Variants in FRYL observed in about 807,000 individuals in gnomAD.
The protein encoded by FRYL is FRY like transcription coactivator, also known as protein furry homolog-like.
FRYL carries 150 observed loss-of-function variants against 351.2 expected under a neutral mutation model. The ratio of observed to expected loss-of-function variants is 0.43; its 90% CI spans 0.37 to 0.49. The LOEUF (loss-of-function observed/expected upper bound fraction) is 0.49. FRYL is among the 20% of genes least tolerant of loss of function. The pLI is 0.00. For synonymous variants in FRYL, 1,153 were observed against 1,257.1 expected, an observed-to-expected ratio of 0.92 and a Z score of 1.75; for missense variants, 3,036 against 3,619.3, an observed-to-expected ratio of 0.84 and a Z score of 4.13.
chr4:48,553,111 C>T (rs373107808), intron 36 of FRYL, 104 bp downstream of exon 36: 31 of 754,232 alleles, frequency 4.1e-5, no homozygotes, highest in East Asian at 2.9e-4. Flanking sequence ...ATCTGAGATT[C>T]ATAACATGTT....
chr4:48,598,861 T>C (rs1246343067), intron 13 of FRYL: 1 of 984,802 alleles, frequency 1.0e-6, no homozygotes, highest in Non-Finnish European at 1.2e-6. Context: ...CTGATACTGT[T>C]GTTAGATGGC....
chr4:48,698,822 T>G, intron 2 of FRYL, among the ~76,000 whole-genome samples: 1 of 138,724 alleles, frequency 7.2e-6, no homozygotes, highest in East Asian at 2.3e-4. Context: ...CCCCCACAAA[T>G]AGGCTTTATT....
intron 23 of FRYL, 75 bp downstream of exon 23, chr4:48,578,886 CTGTAATACTTTT>C (rs1740256694): frequency 8.5e-7 from 1 of 1,169,906 alleles, no homozygotes; most frequent in South Asian, 1.5e-5. Context: ...GCCTTCCAAT[CTGTAATACTTTT>C]GAATTTTTCA....
chr4:48,700,697 G>A (rs1766630527), intron 2 of FRYL, among the ~76,000 whole-genome samples: 1 of 151,926 alleles, frequency 6.6e-6, no homozygotes, highest in African/African-American at 2.4e-5. Flanking sequence ...AGCTACTTGG[G>A]AGGCTGAGGT....
chr4:48,778,830 T>A (rs1375686531), intron 1 of FRYL, among the ~76,000 whole-genome samples: 1 of 152,102 alleles, frequency 6.6e-6, no homozygotes, highest in Non-Finnish European at 1.5e-5. Context: ...AAAACCCTTT[T>A]TCCCCCCCAA....
At position 48,542,087 on chromosome 4, in the gene FRYL, G is replaced by A. The variant is rs1386827840; in HGVS notation, c.5627C>T (p.Ser1876Phe). The change falls in exon 45 of 64, where the codon TCT (serine) becomes TTT (phenylalanine). Residue 1876 changes from serine to phenylalanine, a missense_variant. Physicochemically the swap from Ser to Phe is radical, Grantham distance 155 (BLOSUM62 -2). This residue lies in a region of FRYL where 1,987 missense variants were observed against 2,311.7 expected (regional missense o/e 0.86). Transcript: ENST00000358350. ...GGTTTCAGCCAAAGTATCAATTGCA[G>A]ATTCCAATGTGAGAAGAAGCTCAAT... ...FVIELLLTLE[S>F]AIDTLAETMK... The A allele has an allele frequency of 1.2e-6, 2 of 1,613,746 alleles. No homozygotes were observed. Among genetic ancestry groups the A allele is most frequent in the Non-Finnish European group, 1.7e-6 (2 of 1,179,704 alleles).
At chr4:48,718,748 T>C (rs990720039) in intron 1 of FRYL, among the ~76,000 whole-genome samples, 3 of 151,570 alleles carry the variant, frequency 2.0e-5, no homozygotes, top group South Asian at 2.1e-4. Context: ...ATAGGCTCTA[T>C]GTGTGAAGCA....
chr4:48,605,492 C>T (rs1344974802), intron 11 of FRYL, among the ~76,000 whole-genome samples: 1 of 152,058 alleles, frequency 6.6e-6, no homozygotes, highest in Non-Finnish European at 1.5e-5. Flanking sequence ...CCATTTCTAG[C>T]CAAGATGGAG....
chr4:48,688,622 T>A (rs1307507672), intron 2 of FRYL, among the ~76,000 whole-genome samples: 2 of 151,900 alleles, frequency 1.3e-5, no homozygotes, highest in Non-Finnish European at 2.9e-5. Flanking sequence ...TTAAATTTTT[T>A]TAAAAATGAA....
At position 48,586,635 on chromosome 4, in the gene FRYL, A is replaced by G; in HGVS notation, c.1734T>C (p.Ile578=). 1 of 1,609,054 alleles carries G rather than the reference A, an allele frequency of 6.2e-7. No individual in the cohort carries two copies. Among genetic ancestry groups the G allele is most frequent in the Non-Finnish European group, 8.5e-7 (1 of 1,175,762 alleles). ...IPDGMSRTDL[I]ELLARLTIHM... ...TTCTCATTTACCTTGCTAACAATTC[A>G]ATCAGGTCAGTTCTGCTCATACCGT... The change falls in exon 19 of 64, where the codon ATT becomes ATC. Residue 578 remains isoleucine (I), a synonymous_variant. Coordinates refer to ENST00000358350, the MANE Select transcript of FRYL (RefSeq NM_015030.2).
chr4:48,572,179 T>G (rs906409734), intron 26 of FRYL, among the ~76,000 whole-genome samples: 2 of 152,158 alleles, frequency 1.3e-5, no homozygotes, highest in Non-Finnish European at 2.9e-5. Flanking sequence ...TCCCAAACAA[T>G]GTTCTACAGC....
rs569085357 is a variant in FRYL at position 48,695,875 on chromosome 4, T to C, written c.-203-11080A>G. On this transcript the variant is annotated intron_variant, in intron 2 of 63. Transcript: ENST00000358350. Reference sequence around the variant, plus strand: ...TCAAAAAGTGGGCAAAGGATATAAATAGACACTTCACAAAGGAAGACATTT... The same window carrying C: ...TCAAAAAGTGGGCAAAGGATATAAACAGACACTTCACAAAGGAAGACATTT... Among the ~76,000 whole-genome samples, 3 of 152,212 alleles carry C rather than the reference T, an allele frequency of 2.0e-5. No homozygotes were observed. In the South Asian group the frequency reaches 6.2e-4, roughly 32 times the overall value.
intron 47 of FRYL, 58 bp downstream of exon 47, chr4:48,539,913 A>T: frequency 7.9e-7 from 1 of 1,265,540 alleles, no homozygotes; most frequent in Non-Finnish European, 1.1e-6. Flanking sequence ...CCCTCCTTTA[A>T]CATAGACTAC....
At chr4:48,760,790 C>A (rs1039062543) in intron 1 of FRYL, among the ~76,000 whole-genome samples, 1 of 152,142 alleles carries the variant, frequency 6.6e-6, no homozygotes, top group Admixed American at 6.6e-5. Context: ...GATTCTTATG[C>A]CTCAGCCTCT....
chr4:48,708,936 T>TTTTTTG (rs1193492060), intron 2 of FRYL, among the ~76,000 whole-genome samples: 19 of 13,306 alleles, frequency 1.4e-3, no homozygotes, highest in South Asian at 6.3e-3. Context: ...TTTGTTTTTT[T>TTTTTTG]TTTTGAGATG....
chr4:48,523,865 G>A (rs1003883374), intron 53 of FRYL, among the ~76,000 whole-genome samples: 2 of 152,188 alleles, frequency 1.3e-5, no homozygotes, highest in African/African-American at 4.8e-5. Context: ...TGGTAGGATA[G>A]CTCTGGCTAA....
chr4:48,724,018 C>T (rs1486068172), intron 1 of FRYL, among the ~76,000 whole-genome samples: 3 of 151,168 alleles, frequency 2.0e-5, no homozygotes, highest in Admixed American at 6.6e-5. Flanking sequence ...ATCCCAGCTA[C>T]TTGGGAGGTT....
intron 2 of FRYL, among the ~76,000 whole-genome samples, chr4:48,685,797 A>G (rs998426294): frequency 1.3e-5 from 2 of 151,178 alleles, no homozygotes; most frequent in African/African-American, 4.9e-5. Flanking sequence ...CTTGTTGCCC[A>G]GGCTAGAGTG....
Position 48,546,089 on chromosome 4 carries a change from G to A in FRYL, c.5257C>T (p.Leu1753Phe), listed in dbSNP as rs757132314. The change falls in exon 42 of 64, where the codon CTC becomes TTC. Residue 1753 changes from leucine to phenylalanine, a missense_variant. By Grantham distance (22) the Leu-to-Phe change is conservative. Transcript: ENST00000358350. Reference protein sequence around the residue: ...SVEQDGKVKTLMEFITSRKRG... With the variant: ...SVEQDGKVKTFMEFITSRKRG... ...TACCTTGAGGTAATGAATTCCATGA[G>A]GGTTTTGACTTTTCCATCCTGCTCC... 1.2e-6 allele frequency: 2 copies of A among 1,613,390 alleles called. No homozygotes were observed. Among genetic ancestry groups the A allele is most frequent in the South Asian group, 2.2e-5 (2 of 90,934 alleles).
Sources: gnomAD v4.1 joint callset for allele counts (sites outside exome capture counted in the v4.1 genomes callset) on GRCh38, gnomAD v4.1.1 for gene constraint, gnomAD v4.1.1 regional missense constraint, MANE v1.5 for transcripts, NCBI Gene and HGNC (gene_info 2026-07-23, HGNC 2026-07-21) for gene names.